The following DPY19L1 variants were observed in gnomAD, a reference collection of about 807,000 sequenced individuals.
The protein encoded by DPY19L1 is protein C-mannosyl-transferase DPY19L1.
In DPY19L1, 35 loss-of-function variants were observed where a neutral mutation model predicts 96.9. The ratio of observed to expected loss-of-function variants is 0.36; its 90% confidence interval spans 0.28 to 0.48. The LOEUF is 0.48. Among genes scored for constraint, DPY19L1 ranks in the 20% least tolerant of loss-of-function variants. The pLI, the probability that DPY19L1 is intolerant of heterozygous loss-of-function variation, is 0.99. For synonymous variants in DPY19L1, 205 were observed against 252.6 expected (o/e 0.81, Z 1.79); for missense variants, 521 against 777.9 (o/e 0.67, Z 3.93).
chr7:34,992,145 G>A (rs1041458851), intron 6 of DPY19L1, among the ~76,000 whole-genome samples: 3 of 152,082 alleles, frequency 2.0e-5, no homozygotes, highest in Non-Finnish European at 4.4e-5. Flanking sequence ...TCCACCCCTC[G>A]TGCAGACTCA....
chr7:34,966,089 G>A (rs1370719754), intron 10 of DPY19L1, among the ~76,000 whole-genome samples: 1 of 151,374 alleles, frequency 6.6e-6, no homozygotes, highest in East Asian at 1.9e-4. Context: ...TTAAACTCCT[G>A]GGCTCAAATG....
chr7:34,937,231 A>T (rs1783887462), intron 21 of DPY19L1, among the ~76,000 whole-genome samples: 3 of 152,242 alleles, frequency 2.0e-5, no homozygotes, highest in Admixed American at 2.0e-4. Context: ...CCCAAGAGAA[A>T]GTGGGTCACA....
chr7:34,952,728 T>A (rs952426952), intron 13 of DPY19L1, among the ~76,000 whole-genome samples: 1 of 152,074 alleles, frequency 6.6e-6, no homozygotes, highest in African/African-American at 2.4e-5. Context: ...TCAACACTCA[T>A]ATATCAAAAA....
intron 1 of DPY19L1, among the ~76,000 whole-genome samples, chr7:35,021,388 T>C (rs1311599912): frequency 6.6e-6 from 1 of 152,148 alleles, no homozygotes; most frequent in African/African-American, 2.4e-5. Flanking sequence ...TTTTAGACAA[T>C]ACACAAGGAC....
At chr7:34,999,978 G>A (rs1171790539) in intron 6 of DPY19L1, among the ~76,000 whole-genome samples, 3 of 152,110 alleles carry the variant, frequency 2.0e-5, no homozygotes, top group African/African-American at 7.2e-5. Flanking sequence ...ACACAGGGTG[G>A]GGAAGACAGA....
chr7:34,976,423 G>C (rs940502424), intron 7 of DPY19L1, among the ~76,000 whole-genome samples: 1 of 152,190 alleles, frequency 6.6e-6, no homozygotes, highest in African/African-American at 2.4e-5. Flanking sequence ...TGAGCAAAAG[G>C]AGTGGTTTCT....
intron 10 of DPY19L1, among the ~76,000 whole-genome samples, chr7:34,959,920 TATATTTATA>T (rs1562806953): frequency 1.5e-4 from 5 of 33,886 alleles, no homozygotes; most frequent in Non-Finnish European, 2.2e-4. Flanking sequence ...TATATATATA[TATATTTATA>T]TATATATATA....
intron 13 of DPY19L1, among the ~76,000 whole-genome samples, chr7:34,951,234 C>A (rs1230687825): frequency 1.3e-5 from 2 of 152,028 alleles, no homozygotes; most frequent in African/African-American, 2.4e-5. Flanking sequence ...AAATGTTAAA[C>A]ACTGCCTCCT....
intron 7 of DPY19L1, among the ~76,000 whole-genome samples, chr7:34,981,676 C>T (rs966240918): frequency 1.3e-5 from 2 of 152,172 alleles, no homozygotes; most frequent in Admixed American, 1.3e-4. Context: ...TCTGGCTGGG[C>T]GTGGTGGCTC....
At chr7:34,984,771 T>C (rs541629387) in intron 7 of DPY19L1, among the ~76,000 whole-genome samples, 79 of 152,236 alleles carry the variant, frequency 5.2e-4, no homozygotes, top group Non-Finnish European at 9.7e-4. Context: ...TGGCATTCCA[T>C]CCACTCCAAA....
chr7:34,980,551 A>C (rs1156356019), intron 7 of DPY19L1, among the ~76,000 whole-genome samples: 1 of 152,186 alleles, frequency 6.6e-6, no homozygotes, highest in African/African-American at 2.4e-5. Flanking sequence ...TGTAGAACAT[A>C]TATTCTATAA....
chr7:34,941,676 T>G (rs1186076913), intron 18 of DPY19L1, 89 bp downstream of exon 18: 1 of 1,190,886 alleles, frequency 8.4e-7, no homozygotes, highest in African/African-American at 1.5e-5. Context: ...TATAATCACT[T>G]AAAAGACTTT....
Position 35,014,208 on chromosome 7 carries a change from T to C in DPY19L1, c.412-503A>G, listed in dbSNP as rs769742126. Among the ~76,000 whole-genome samples the C allele has an allele frequency of 2.1e-4, 32 of 152,326 alleles. 1 individual carries two copies. The highest frequency in any genetic ancestry group is 5.9e-5 in the Non-Finnish European group (4 of 68,036). ...AGAAGGCTACACACTGATGTATTATTACATATGAATTTCACTCGGGTGCCA... is the reference window on the plus strand; with the variant it reads ...AGAAGGCTACACACTGATGTATTATCACATATGAATTTCACTCGGGTGCCA... On this transcript the variant is annotated intron_variant, in intron 3 of 21. Coordinates refer to ENST00000638088, the MANE Select transcript of DPY19L1 (RefSeq NM_001366673.1).
intron 6 of DPY19L1, among the ~76,000 whole-genome samples, chr7:34,990,161 T>C (rs1785136333): frequency 6.6e-6 from 1 of 152,208 alleles, no homozygotes; most frequent in Non-Finnish European, 1.5e-5. Flanking sequence ...ACCTTCAAAA[T>C]GTATAGACTC....
chr7:34,939,569 C>A (rs1258003216), intron 19 of DPY19L1, among the ~76,000 whole-genome samples, 194 bp from the exon 20 acceptor site: 1 of 152,216 alleles, frequency 6.6e-6, no homozygotes, highest in Non-Finnish European at 1.5e-5. Flanking sequence ...CCTGGGTAAA[C>A]TATTTTCCTT....
chr7:34,931,835 ATTACT>A (rs1337694908), intron 21 of DPY19L1, 106 bp from the exon 22 acceptor site: 5 of 1,429,746 alleles, frequency 3.5e-6, no homozygotes, highest in Admixed American at 3.0e-5. Context: ...TTCCCCTTAA[ATTACT>A]TTAGTTTTTA....
chr7:34,950,483 A>C (rs1784246912), intron 13 of DPY19L1, among the ~76,000 whole-genome samples: 1 of 152,212 alleles, frequency 6.6e-6, no homozygotes, highest in Non-Finnish European at 1.5e-5. Flanking sequence ...GTGGATTTTC[A>C]CTTTATAAAT....
At chr7:34,962,763 T>A (rs1784526644) in intron 10 of DPY19L1, among the ~76,000 whole-genome samples, 1 of 152,166 alleles carries the variant, frequency 6.6e-6, no homozygotes, top group East Asian at 1.9e-4. Flanking sequence ...CTACGGACTT[T>A]GGGTGATTCT....
chr7:35,034,764 T>TA (rs1224502158), intron 1 of DPY19L1, among the ~76,000 whole-genome samples: 1 of 152,250 alleles, frequency 6.6e-6, no homozygotes, highest in Non-Finnish European at 1.5e-5. Flanking sequence ...AATCCATTTC[T>TA]GTCTAGCTTA....
Sources: gnomAD v4.1 joint callset for allele counts (sites outside exome capture counted in the v4.1 genomes callset) on GRCh38, gnomAD v4.1.1 for gene constraint, MANE v1.5 for transcripts, NCBI Gene and HGNC (gene_info 2026-07-23, HGNC 2026-07-21) for gene names.